PFKP: variants seen among roughly 807,000 people sequenced by gnomAD.
PFKP encodes phosphofructokinase, platelet, also known as ATP-dependent 6-phosphofructokinase, platelet type.
PFKP carries 101 observed loss-of-function variants against 94.3 expected under a neutral mutation model. The observed-to-expected ratio is 1.07, with a 90% CI of 0.91 to 1.26. PFKP has a LOEUF of 1.26. Ranked by LOEUF, PFKP falls within the 50% of genes most tolerant of loss-of-function variation. The pLI is 0.00. For missense variants in PFKP, 1,145 were observed against 1,103.3 expected, an observed-to-expected ratio of 1.04 and a Z score of -0.53; for synonymous variants, 573 against 432.6, an observed-to-expected ratio of 1.32 and a Z score of -4.03.
chr10:3,114,041 A>AGGGATGCCAACT (rs6143745), intron 13 of PFKP, among the ~76,000 whole-genome samples: 134,193 of 151,976 alleles, frequency 0.88, 59,995 homozygotes, highest in East Asian at 0.99. Flanking sequence ...ACCGAGGCAT[A>AGGGATGCCAACT]GGGCTGGGTG....
intron 4 of PFKP, among the ~76,000 whole-genome samples, chr10:3,102,206 C>T (rs542182882): frequency 1.5e-5 from 2 of 133,754 alleles, no homozygotes; most frequent in Admixed American, 7.7e-5. Flanking sequence ...AGCCGAGGTC[C>T]CGCCACTGCA....
chr10:3,129,649 C>T (rs990144675), intron 16 of PFKP, 170 bp from the exon 17 acceptor site: 4 of 713,932 alleles, frequency 5.6e-6, no homozygotes, highest in Non-Finnish European at 7.0e-6. Context: ...TTCACACCCA[C>T]TCCGAGGGCA....
chr10:3,094,143 G>A (rs1156798843), intron 2 of PFKP, among the ~76,000 whole-genome samples: 1 of 152,174 alleles, frequency 6.6e-6, no homozygotes, highest in East Asian at 1.9e-4. Flanking sequence ...AGCTGAATGA[G>A]CCTCAAGGTG....
intron 1 of PFKP, among the ~76,000 whole-genome samples, chr10:3,080,516 C>CAAAAAAAA (rs869281524): frequency 3.6e-4 from 25 of 68,682 alleles, no homozygotes; most frequent in African/African-American, 1.3e-3. Context: ...GACTCCGTCT[C>CAAAAAAAA]AAAAAAAAAA....
chr10:3,091,783 CAAAAAA>C (rs1448461506), intron 2 of PFKP, among the ~76,000 whole-genome samples: 1 of 151,444 alleles, frequency 6.6e-6, no homozygotes, highest in Non-Finnish European at 1.5e-5. Context: ...GAGACTGTGT[CAAAAAA>C]GAAAAAGAAA....
chr10:3,084,658 A>T (rs1179885134), intron 2 of PFKP, among the ~76,000 whole-genome samples: 2 of 150,638 alleles, frequency 1.3e-5, no homozygotes, highest in African/African-American at 2.4e-5. Flanking sequence ...TTGCTCAGGG[A>T]TGTGGAATGA....
chr10:3,135,841 A>G lies in PFKP; in HGVS notation c.2225+3A>G, dbSNP rs751990932. On this transcript the variant is annotated splice_donor_region_variant and intron_variant, in intron 21 of 21. Transcript: ENST00000381125. Reference sequence around the variant, plus strand: ...CTGAAGAAGCAAACGGATTTTGAGTAAGTTGGCTGGGTTCCCTGAGGCAAT... The same window carrying G: ...CTGAAGAAGCAAACGGATTTTGAGTGAGTTGGCTGGGTTCCCTGAGGCAAT... 4 of 1,596,390 alleles carry G rather than the reference A, an allele frequency of 2.5e-6. No individual in the cohort carries two copies. The highest frequency in any genetic ancestry group is 2.6e-6 in the Non-Finnish European group (3 of 1,164,058).
chr10:3,069,235 T>C, intron 1 of PFKP: 1 of 1,419,588 alleles, frequency 7.0e-7, no homozygotes, highest in African/African-American at 1.4e-5. Context: ...GCGTTAGCAT[T>C]CCAGTAAAAG....
At chr10:3,107,865 A>C in intron 8 of PFKP, 1 of 1,287,276 alleles carries the variant, frequency 7.8e-7, no homozygotes, top group South Asian at 1.2e-5. Flanking sequence ...GAGGACTCTG[A>C]TACCATGGGC....
intron 12 of PFKP, 29 bp from the exon 13 acceptor site, chr10:3,113,343 C>A: frequency 6.3e-7 from 1 of 1,574,932 alleles, no homozygotes. Flanking sequence ...TGCCCGTGAC[C>A]CAGCACTCAC....
chr10:3,068,452 G>A (rs1588364532), intron 1 of PFKP, among the ~76,000 whole-genome samples: 1 of 152,260 alleles, frequency 6.6e-6, no homozygotes, highest in East Asian at 1.9e-4. Context: ...AAACCAAAAT[G>A]GGTCCCAGGC....
intron 1 of PFKP, among the ~76,000 whole-genome samples, chr10:3,072,610 G>GT (rs1832279739): frequency 6.6e-6 from 1 of 151,994 alleles, no homozygotes; most frequent in African/African-American, 2.4e-5. Flanking sequence ...AATGCAGACC[G>GT]TTTTGTGTGC....
At position 3,134,729 on chromosome 10, in the gene PFKP, T is replaced by C. The variant is rs1025451707; in HGVS notation, c.2122+147T>C. 3 of 575,544 alleles carry C rather than the reference T, an allele frequency of 5.2e-6. No individual in the cohort carries two copies. In the Admixed American group the frequency reaches 8.7e-5, roughly 17 times the overall value. The allele number at this position is 575,544 out of a possible 1,614,324, so 35.7% of individuals were successfully genotyped here. A position where few individuals can be genotyped will look rare whatever the true frequency, so the allele number is the denominator to read the frequency against. ...CACGTGATGTTTTACTCCTGATCTC[T>C]GAGTGTTGCTATTTAACCAACCTTG... On this transcript the variant is annotated intron_variant, in intron 20 of 21. Transcript: ENST00000381125.
In PFKP at chr10:3,105,437, T is replaced by G; in HGVS notation, c.710T>G (p.Val237Gly). 1.2e-6 allele frequency: 2 copies of G among 1,613,990 alleles called. No individual in the cohort carries two copies. Among genetic ancestry groups the G allele is most frequent in the Non-Finnish European group, 1.7e-6 (2 of 1,179,974 alleles). ...GCCTTGGCCTGCGGTGCGGACTGGG[T>G]GTTCCTTCCAGAATCTCCACCAGAG... Reference protein sequence around the residue: ...VSALACGADWVFLPESPPEEG... With the variant: ...VSALACGADWGFLPESPPEEG... Residue 237 changes from valine to glycine, a missense_variant, in exon 7 of 22, where the codon GTG (valine) becomes GGG (glycine). This residue lies in a region of PFKP where 1,119 missense variants were observed against 1,062.8 expected (regional missense o/e 1.05). Transcript: ENST00000381125.
At chr10:3,114,046 T>TGGGCA in intron 13 of PFKP, among the ~76,000 whole-genome samples, 1 of 152,230 alleles carries the variant, frequency 6.6e-6, no homozygotes, top group African/African-American at 2.4e-5. Flanking sequence ...GGCATAGGGC[T>TGGGCA]GGGTGCACGA....
At chr10:3,094,985 C>G (rs1057100325) in intron 2 of PFKP, among the ~76,000 whole-genome samples, 2 of 152,148 alleles carry the variant, frequency 1.3e-5, no homozygotes, top group African/African-American at 4.8e-5. Context: ...CTGGAAGGCA[C>G]TTTTAAAGTC....
At chr10:3,131,239 C>T in intron 17 of PFKP, among the ~76,000 whole-genome samples, 1 of 152,070 alleles carries the variant, frequency 6.6e-6, no homozygotes. Flanking sequence ...GGTTTGTAGC[C>T]AGGAACAACA....
At chr10:3,123,302 G>A (rs1236620672) in intron 16 of PFKP, among the ~76,000 whole-genome samples, 1 of 152,236 alleles carries the variant, frequency 6.6e-6, no homozygotes, top group East Asian at 1.9e-4. Flanking sequence ...TGCCGCGAAG[G>A]TGGCAGTGAC....
At position 3,067,619 on chromosome 10, in the gene PFKP, C is replaced by T. The variant is rs1237105796; in HGVS notation, c.24C>T (p.Ala8=). The T allele has an allele frequency of 1.2e-5, 18 of 1,531,204 alleles. No individual in the cohort carries two copies. The highest frequency in any genetic ancestry group is 1.4e-5 in the African/African-American group (1 of 70,666). 94.9% of individuals were successfully genotyped at this position (1,531,204 alleles called of 1,614,324 possible). A position where few individuals can be genotyped will look rare whatever the true frequency, so the allele number is the denominator to read the frequency against. Residue 8 remains alanine, a synonymous_variant, in exon 1 of 22, where the codon GCC becomes GCT. Transcript: ENST00000381125. MDADDSR[A]PKGSLRKFLE... ...CCATGGACGCGGACGACTCCCGGGC[C>T]CCCAAGGGCTCCTTGCGGAAGTTCC...
Sources: gnomAD v4.1 joint callset for allele counts (sites outside exome capture counted in the v4.1 genomes callset) on GRCh38, gnomAD v4.1.1 for gene constraint, gnomAD v4.1.1 regional missense constraint, MANE v1.5 for transcripts, NCBI Gene and HGNC (gene_info 2026-07-23, HGNC 2026-07-21) for gene names.